Variants in ADGRG1 observed in about 807,000 individuals in gnomAD.
ADGRG1 encodes adhesion G protein-coupled receptor G1.
A neutral mutation model predicts 73.5 loss-of-function variants in ADGRG1; 53 were observed. That is an observed-to-expected ratio of 0.72 (90% CI 0.58 to 0.91). The LOEUF (loss-of-function observed/expected upper bound fraction) is 0.91. Among genes scored for constraint, ADGRG1 ranks in the 40% least tolerant of loss-of-function variants. The pLI is 0.00. For missense variants in ADGRG1, 795 were observed against 871.8 expected (o/e 0.91, Z 1.11); for synonymous variants, 394 against 374.4 (o/e 1.05, Z -0.60).
In ADGRG1 at chr16:57,656,553, C is replaced by G. The variant is rs764638358; in HGVS notation, c.1103C>G (p.Thr368Ser). 2.5e-6 allele frequency: 4 copies of G among 1,613,842 alleles called. No individual in the cohort carries two copies. The highest frequency in any genetic ancestry group is 3.4e-6 in the Non-Finnish European group (4 of 1,179,794). The change falls in exon 9 of 14, where the codon ACC (threonine) becomes AGC (serine). Residue 368 changes from threonine (T) to serine (S), a missense_variant. Thr to Ser is a moderately conservative substitution (Grantham distance 58). Coordinates refer to ENST00000562631, the MANE Select transcript of ADGRG1 (RefSeq NM_201525.4). ...CATTGGAGCAGTGCTGGGTGTGAGACCGTCAGGAGAGAAACCCAAACATCC... is the reference window on the plus strand; with the variant it reads ...CATTGGAGCAGTGCTGGGTGTGAGAGCGTCAGGAGAGAAACCCAAACATCC... Reference protein sequence around the residue: ...PGHWSSAGCETVRRETQTSCF... With the variant: ...PGHWSSAGCESVRRETQTSCF...
At chr16:57,635,588 C>T (rs778506538) in intron 1 of ADGRG1, 24 of 985,370 alleles carry the variant, frequency 2.4e-5, no homozygotes, top group Middle Eastern at 5.2e-4. Context: ...CTAGGAAGGA[C>T]GGTAGTGTTT....
Position 57,661,824 on chromosome 16 carries a change from C to G in ADGRG1, c.1792C>G (p.Gln598Glu), listed in dbSNP as rs749338996. 3 of 1,614,254 alleles carry G rather than the reference C, an allele frequency of 1.9e-6. No homozygotes were observed. The highest frequency in any genetic ancestry group is 2.5e-6 in the Non-Finnish European group (3 of 1,180,028). The change falls in exon 13 of 14, where the codon CAA (glutamine) becomes GAA (glutamate). Residue 598 changes from glutamine (Q) to glutamate (E), a missense_variant. By Grantham distance (29) the Gln-to-Glu change is conservative (BLOSUM62 2). Transcript: ENST00000562631. ...GATCCTGCGGCTGCGCCCCCACACCCAAAAGTGGTCACATGTGCTGACACT... is the reference window on the plus strand; with the variant it reads ...GATCCTGCGGCTGCGCCCCCACACCGAAAAGTGGTCACATGTGCTGACACT... The part of the protein sequence containing the change: ...VQILRLRPHT[Q>E]KWSHVLTLLG...
At chr16:57,623,079 A>G, upstream of ADGRG1, 1 of 983,978 alleles carries the variant, frequency 1.0e-6, no homozygotes, top group Non-Finnish European at 1.2e-6. Context: ...ATCCTGTGTG[A>G]CCTGAGTCAG....
intron 1 of ADGRG1, among the ~76,000 whole-genome samples, chr16:57,645,544 C>T (rs2042403295): frequency 6.6e-6 from 1 of 152,200 alleles, no homozygotes; most frequent in Non-Finnish European, 1.5e-5. Flanking sequence ...CAGGCCCTAC[C>T]ATCTAGCAGC....
At chr16:57,658,501 C>T (rs1567800993) in intron 10 of ADGRG1, among the ~76,000 whole-genome samples, 1 of 152,230 alleles carries the variant, frequency 6.6e-6, no homozygotes, top group African/African-American at 2.4e-5. Flanking sequence ...GAAAGTGAAG[C>T]TGTATTTATG....
At chr16:57,634,714 CAGAAGCA>C (rs1271231722) in intron 1 of ADGRG1, 1 of 175,048 alleles carries the variant, frequency 5.7e-6, no homozygotes, top group African/African-American at 2.4e-5. Context: ...AGGGGCGTTG[CAGAAGCA>C]ACTTTGGCAT....
upstream of ADGRG1, chr16:57,622,869 C>T (rs2035133256): frequency 5.1e-6 from 5 of 985,290 alleles, no homozygotes; most frequent in African/African-American, 1.7e-5. Context: ...CCTTGGAGGC[C>T]CAGCCAGCCT....
At chr16:57,624,258 G>A (rs1230960762), upstream of ADGRG1, 2 of 638,044 alleles carry the variant, frequency 3.1e-6, no homozygotes, top group African/African-American at 4.0e-5. Flanking sequence ...CCAGCGCTTT[G>A]GGAGGTCAAG....
intron 13 of ADGRG1, among the ~76,000 whole-genome samples, chr16:57,662,506 C>T (rs1046113486): frequency 6.6e-6 from 1 of 152,152 alleles, no homozygotes; most frequent in Non-Finnish European, 1.5e-5. Flanking sequence ...GCCACCCGGG[C>T]CCTGCCACAT....
intron 12 of ADGRG1, chr16:57,661,356 C>A (rs760195164): frequency 8.1e-6 from 8 of 985,034 alleles, no homozygotes; most frequent in African/African-American, 1.7e-5. Context: ...CCTGTGGATC[C>A]CCTGAACCCA....
chr16:57,642,797 C>A, intron 1 of ADGRG1: 1 of 194,952 alleles, frequency 5.1e-6, no homozygotes, highest in Non-Finnish European at 9.3e-6. Flanking sequence ...GTTTGAGTCC[C>A]GGCTTTTCTG....
chr16:57,649,752 C>T (rs59991684), intron 1 of ADGRG1, among the ~76,000 whole-genome samples: 1 of 151,646 alleles, frequency 6.6e-6, no homozygotes, highest in African/African-American at 2.4e-5. Context: ...GAGACTGGAA[C>T]TCAGCTGGAC....
chr16:57,639,331 T>A (rs1345120601), intron 1 of ADGRG1: 1 of 985,406 alleles, frequency 1.0e-6, no homozygotes, highest in African/African-American at 1.7e-5. Context: ...CCACGTTGCT[T>A]TGCTGGGTCT....
At chr16:57,637,792 T>C (rs2147594333) in intron 1 of ADGRG1, 1 of 758,646 alleles carries the variant, frequency 1.3e-6, no homozygotes, top group South Asian at 5.9e-5. Flanking sequence ...AAGCCCCTGC[T>C]GCCTTTCCCA....
Position 57,663,475 on chromosome 16 carries a change from T to C in ADGRG1, c.1957T>C (p.Trp653Arg), listed in dbSNP as rs2047772133. 2 of 1,613,954 alleles carry C rather than the reference T, an allele frequency of 1.2e-6. No individual in the cohort carries two copies. Among genetic ancestry groups the C allele is most frequent in the Non-Finnish European group, 1.7e-6 (2 of 1,179,996 alleles). The change falls in exon 14 of 14, where the codon TGG becomes CGG. Residue 653 changes from tryptophan to arginine, a missense_variant. Coordinates refer to ENST00000562631, the MANE Select transcript of ADGRG1 (RefSeq NM_201525.4). ...AGGCTTCCTCATCTTCATCTGGTAC[T>C]GGTCCATGCGGCTGCAGGCCCGGGG... Reference protein sequence around the residue: ...FQGFLIFIWYWSMRLQARGGP... With the variant: ...FQGFLIFIWYRSMRLQARGGP...
At chr16:57,628,499 C>T, upstream of ADGRG1, 1 of 985,452 alleles carries the variant, frequency 1.0e-6, no homozygotes, top group Non-Finnish European at 1.2e-6. Context: ...CCCTCCTGGT[C>T]TCCCTCTGAG....
At position 57,651,211 on chromosome 16, in the gene ADGRG1, AG is replaced by A; in HGVS notation, c.80del (p.Gly27AlafsTer86). ...LLFLVQGAHG[R>X]GHREDFRFCS... Reference sequence around the variant, plus strand: ...CTCTGCCTCCTCAGGTGCCCACGGCAGGGGCCACAGGGAAGACTTTCGCTTC... The same window carrying A: ...CTCTGCCTCCTCAGGTGCCCACGGCAGGGCCACAGGGAAGACTTTCGCTTC... On this transcript the variant is annotated frameshift_variant, in exon 3 of 14. Coordinates refer to ENST00000562631, the MANE Select transcript of ADGRG1 (RefSeq NM_201525.4). LOFTEE classifies it high-confidence loss of function. The A allele has an allele frequency of 6.2e-7, 1 of 1,614,114 alleles. No individual in the cohort carries two copies. The highest frequency in any genetic ancestry group is 8.5e-7 in the Non-Finnish European group (1 of 1,180,000).
At chr16:57,625,522 C>G, upstream of ADGRG1, 1 of 978,360 alleles carries the variant, frequency 1.0e-6, no homozygotes, top group Non-Finnish European at 1.2e-6. Flanking sequence ...CTTCGAGGCC[C>G]CATCCGGACC....
At position 57,663,865 on chromosome 16, in the gene ADGRG1, A is replaced by T. The variant is rs1468679847; in HGVS notation, c.*283A>T. 5 of 518,092 alleles carry T rather than the reference A, an allele frequency of 9.7e-6. No homozygotes were observed. The East Asian group carries it at 1.7e-4, about 18-fold the overall frequency. 32.1% of individuals were successfully genotyped at this position (518,092 alleles called of 1,614,324 possible). On this transcript the variant is annotated 3_prime_UTR_variant, in exon 14 of 14. Transcript: ENST00000562631. ...CCCACATCTGTCCCAACCCAGCTGGAGGCCTGGTCTCTCCTTACAACCCCT... is the reference window on the plus strand; with the variant it reads ...CCCACATCTGTCCCAACCCAGCTGGTGGCCTGGTCTCTCCTTACAACCCCT...
Sources: gnomAD v4.1 joint callset for allele counts (sites outside exome capture counted in the v4.1 genomes callset) on GRCh38, gnomAD v4.1.1 for gene constraint, MANE v1.5 for transcripts, NCBI Gene and HGNC (gene_info 2026-07-23, HGNC 2026-07-21) for gene names.